The following EPHA5 variants were observed in gnomAD, a reference collection of about 807,000 sequenced individuals.
EPHA5 encodes the protein ephrin type-A receptor 5.
In EPHA5, 60 loss-of-function variants were observed where a neutral mutation model predicts 105.0. The observed-to-expected ratio is 0.57, with a 90% CI of 0.46 to 0.71. The LOEUF (loss-of-function observed/expected upper bound fraction) is 0.71, where lower values mean the gene tolerates loss of function less well. EPHA5 is among the 30% of genes least tolerant of loss of function. The pLI is 0.00. For synonymous variants in EPHA5, 513 were observed against 449.1 expected (o/e 1.14, Z -1.80); for missense variants, 1,218 against 1,274.7 (o/e 0.96, Z 0.68).
intron 14 of EPHA5, among the ~76,000 whole-genome samples, chr4:65,336,509 G>A (rs530320191): frequency 1.1e-3 from 163 of 152,146 alleles, no homozygotes; most frequent in Non-Finnish European, 1.4e-3. Flanking sequence ...AAAAGTTAAT[G>A]TCTTTTTAAT....
intron 3 of EPHA5, among the ~76,000 whole-genome samples, chr4:65,524,228 T>C (rs796120568): frequency 2.6e-5 from 4 of 151,884 alleles, no homozygotes; most frequent in African/African-American, 9.6e-5. Flanking sequence ...GTATACTGTT[T>C]CAAAGTGACC....
At chr4:65,377,189 T>A in intron 8 of EPHA5, 1 of 762,058 alleles carries the variant, frequency 1.3e-6, no homozygotes, top group Non-Finnish European at 1.9e-6. Flanking sequence ...TCTAAATGCA[T>A]ACAATTAATT....
chr4:65,514,981 A>G (rs1223039608), intron 3 of EPHA5, among the ~76,000 whole-genome samples: 1 of 152,116 alleles, frequency 6.6e-6, no homozygotes, highest in Non-Finnish European at 1.5e-5. Context: ...AAACGTTGTG[A>G]TTATCAATAG....
At chr4:65,333,551 G>C (rs991807939) in intron 15 of EPHA5, among the ~76,000 whole-genome samples, 4 of 46,870 alleles carry the variant, frequency 8.5e-5, no homozygotes, top group Admixed American at 8.0e-4. Flanking sequence ...GTGTGTGTGT[G>C]TGTGTGTGTG....
rs745988243 is a variant in EPHA5, at chr4:65,528,259, C to G, written c.911-32716G>C. ...ATAGGTGCTCTGAGTCAAAACATCA[C>G]AGAAGAAATGAGCACCTTCTAAATG... On this transcript the variant is annotated intron_variant, in intron 3 of 16. Transcript: ENST00000613740. Among the ~76,000 whole-genome samples the G allele has an allele frequency of 4.7e-4, 71 of 152,026 alleles. 1 individual carries two copies. Among genetic ancestry groups the G allele is most frequent in the Admixed American group, 5.9e-4 (9 of 15,238 alleles).
At position 65,353,098 on chromosome 4, in the gene EPHA5, G is replaced by A. The variant is rs1210243340; in HGVS notation, c.2179C>T (p.Pro727Ser). Reference protein sequence around the residue: ...HLEGVVTKSKPVMIVTEYMEN... With the variant: ...HLEGVVTKSKSVMIVTEYMEN... The stretch of plus-strand genomic sequence containing the variant: ...ATATACTCTGTCACGATCATCACTG[G>A]TTTACCTGAAAAGAAAACAGAGTGA... Residue 727 changes from proline (P) to serine (S), a missense_variant, in exon 12 of 17, where the codon CCA (proline) becomes TCA (serine). Pro to Ser is a moderately conservative substitution (Grantham distance 74). Transcript: ENST00000613740. 6.5e-7 allele frequency: 1 copy of A among 1,549,136 alleles called. No individual in the cohort carries two copies. Among genetic ancestry groups the A allele is most frequent in the Admixed American group, 1.9e-5 (1 of 51,548 alleles).
At chr4:65,580,868 A>G (rs1741549718) in intron 3 of EPHA5, among the ~76,000 whole-genome samples, 1 of 151,700 alleles carries the variant, frequency 6.6e-6, no homozygotes, top group Non-Finnish European at 1.5e-5. Flanking sequence ...TGTTAAAGAC[A>G]TATTTAAAAG....
intron 5 of EPHA5, among the ~76,000 whole-genome samples, chr4:65,439,808 C>A (rs888454643): frequency 9.9e-5 from 15 of 151,648 alleles, no homozygotes; most frequent in African/African-American, 3.6e-4. Flanking sequence ...TTGCATTTAC[C>A]GAAAGGAAAG....
At position 65,601,888 on chromosome 4, in the gene EPHA5, A is replaced by G. The variant is rs201788539; in HGVS notation, c.663T>C (p.Ile221=). ...AGTATACACGCACAGAAACCAGAGCAATGCAAGCACCAACATCTTGAAAAG... is the reference window on the plus strand; with the variant it reads ...AGTATACACGCACAGAAACCAGAGCGATGCAAGCACCAACATCTTGAAAAG... ...YLAFQDVGAC[I]ALVSVRVYYK... is the part of the protein sequence containing the mutation. Residue 221 remains isoleucine, a synonymous_variant, in exon 3 of 17, where the codon ATT becomes ATC. Transcript: ENST00000613740. 6.2e-7 allele frequency: 1 copy of G among 1,614,174 alleles called. No homozygotes were observed. Among genetic ancestry groups the G allele is most frequent in the East Asian group, 2.2e-5 (1 of 44,880 alleles).
chr4:65,618,786 A>G (rs545968637), intron 2 of EPHA5, among the ~76,000 whole-genome samples: 141 of 152,362 alleles, frequency 9.3e-4, no homozygotes, highest in African/African-American at 3.4e-3. Context: ...ATTCATAACT[A>G]TAGAGAGCCA....
intron 5 of EPHA5, among the ~76,000 whole-genome samples, chr4:65,476,413 C>A (rs1729827123): frequency 6.6e-6 from 1 of 151,866 alleles, no homozygotes; most frequent in East Asian, 1.9e-4. Flanking sequence ...ACAAAAAAAA[C>A]AAAATCATGT....
intron 3 of EPHA5, among the ~76,000 whole-genome samples, chr4:65,596,944 C>T (rs958123006): frequency 6.6e-5 from 10 of 152,140 alleles, no homozygotes; most frequent in African/African-American, 2.4e-4. Context: ...GCCAATTTTG[C>T]TTCAATCATA....
chr4:65,384,990 AG>A (rs1274668993), intron 8 of EPHA5, among the ~76,000 whole-genome samples: 1 of 151,700 alleles, frequency 6.6e-6, no homozygotes, highest in Non-Finnish European at 1.5e-5. Context: ...GGGGCCTCTT[AG>A]AAAAGAACGT....
intron 3 of EPHA5, among the ~76,000 whole-genome samples, chr4:65,528,909 A>C (rs1030878884): frequency 6.6e-6 from 1 of 152,184 alleles, no homozygotes; most frequent in African/African-American, 2.4e-5. Context: ...ATTATAGGAT[A>C]GTCCAGGTGA....
intron 5 of EPHA5, among the ~76,000 whole-genome samples, chr4:65,475,234 C>T (rs1010120254): frequency 6.6e-6 from 1 of 152,052 alleles, no homozygotes; most frequent in Non-Finnish European, 1.5e-5. Flanking sequence ...ACGATGCATG[C>T]TTTTGACTAG....
chr4:65,603,282 A>G (rs529529924), intron 2 of EPHA5, among the ~76,000 whole-genome samples: 1 of 152,214 alleles, frequency 6.6e-6, no homozygotes, highest in South Asian at 2.1e-4. Context: ...AACGGTACAG[A>G]GCCAAATTTT....
chr4:65,509,643 C>T (rs1027014151), intron 3 of EPHA5, among the ~76,000 whole-genome samples: 4 of 152,118 alleles, frequency 2.6e-5, no homozygotes, highest in African/African-American at 4.8e-5. Context: ...GATTACTAAT[C>T]TGCCACTATT....
chr4:65,446,147 A>T (rs1435853786), intron 5 of EPHA5, among the ~76,000 whole-genome samples: 2 of 152,152 alleles, frequency 1.3e-5, no homozygotes, highest in African/African-American at 2.4e-5. Context: ...AAATGTTTCA[A>T]TGGGTTACAA....
intron 3 of EPHA5, among the ~76,000 whole-genome samples, 170 bp downstream of exon 3, chr4:65,601,471 C>G (rs568628027): frequency 5.5e-4 from 83 of 152,190 alleles, no homozygotes; most frequent in African/African-American, 2.0e-3. Flanking sequence ...AAATCTTTCA[C>G]GGTTGCCAGA....
Sources: gnomAD v4.1 joint callset for allele counts (sites outside exome capture counted in the v4.1 genomes callset) on GRCh38, gnomAD v4.1.1 for gene constraint, MANE v1.5 for transcripts, NCBI Gene and HGNC (gene_info 2026-07-23, HGNC 2026-07-21) for gene names.